APBB1IP: variants seen among roughly 807,000 people sequenced by gnomAD.
The protein encoded by APBB1IP is amyloid beta A4 precursor protein-binding family B member 1-interacting protein.
In APBB1IP, 27 loss-of-function variants were observed where a neutral mutation model predicts 64.9. That is an observed-to-expected ratio of 0.42 (90% confidence interval 0.31 to 0.57). The LOEUF (loss-of-function observed/expected upper bound fraction) is 0.57. APBB1IP is among the 20% of genes least tolerant of loss of function. The probability of loss-of-function intolerance (pLI) is 0.20; values close to 1 mark genes in which losing one functional copy is unlikely to be tolerated. For missense variants in APBB1IP, 812 were observed against 845.5 expected (o/e 0.96, Z 0.49); for synonymous variants, 392 against 331.0 (o/e 1.18, Z -2.00).
Position 26,511,757 on chromosome 10 carries a change from A to G in APBB1IP, c.542A>G (p.Lys181Arg). The G allele has an allele frequency of 6.2e-7, 1 of 1,614,186 alleles. No homozygotes were observed. The highest frequency in any genetic ancestry group is 8.5e-7 in the Non-Finnish European group (1 of 1,180,004). ...KEAKVKKLVV[K>R]VHMNDNSTKS... ...TGGTTCTATCCTCAGCTCGTCGTCA[A>G]GGTGCACATGAATGATAACAGCACA... Residue 181 changes from lysine (K) to arginine (R), a missense_variant, in exon 7 of 15, where the codon AAG (lysine) becomes AGG (arginine). By Grantham distance (26) the Lys-to-Arg change is conservative (BLOSUM62 2). Coordinates refer to ENST00000376236, the MANE Select transcript of APBB1IP (RefSeq NM_019043.4).
chr10:26,539,656 G>A (rs959162445), intron 10 of APBB1IP, among the ~76,000 whole-genome samples: 1 of 152,070 alleles, frequency 6.6e-6, no homozygotes, highest in Non-Finnish European at 1.5e-5. Context: ...TATGGCCAAA[G>A]ATAACAAACA....
chr10:26,477,680 G>A (rs1835791032), intron 2 of APBB1IP, among the ~76,000 whole-genome samples: 1 of 152,180 alleles, frequency 6.6e-6, no homozygotes, highest in Non-Finnish European at 1.5e-5. Flanking sequence ...AAAACACAAA[G>A]GCGAATAACA....
intron 2 of APBB1IP, among the ~76,000 whole-genome samples, 198 bp downstream of exon 2, chr10:26,439,051 G>T (rs960846074): frequency 6.6e-6 from 1 of 152,324 alleles, no homozygotes; most frequent in African/African-American, 2.4e-5. Flanking sequence ...CTCCACTCTG[G>T]ACCCGGCTCG....
chr10:26,545,536 G>A (rs1262879784), intron 11 of APBB1IP, among the ~76,000 whole-genome samples: 5 of 152,142 alleles, frequency 3.3e-5, no homozygotes, highest in Non-Finnish European at 5.9e-5. Context: ...CGAGGCGGGC[G>A]GATCACGAGG....
chr10:26,507,298 C>G (rs1836194164), intron 6 of APBB1IP, among the ~76,000 whole-genome samples: 1 of 152,118 alleles, frequency 6.6e-6, no homozygotes, highest in Non-Finnish European at 1.5e-5. Context: ...TTAAGACCAG[C>G]CTGGGCAACA....
At chr10:26,509,668 T>C (rs1836227908) in intron 6 of APBB1IP, 1 of 152,228 alleles carries the variant, frequency 6.6e-6, no homozygotes, top group African/African-American at 2.4e-5. Context: ...GGTTAGTACT[T>C]GGATGGGAGG....
At chr10:26,541,048 C>T (rs1836690395) in intron 10 of APBB1IP, among the ~76,000 whole-genome samples, 1 of 151,860 alleles carries the variant, frequency 6.6e-6, no homozygotes, top group Admixed American at 6.6e-5. Context: ...TCAATAATGA[C>T]ATCTCAAGGA....
intron 2 of APBB1IP, among the ~76,000 whole-genome samples, chr10:26,491,344 A>T (rs1835952580): frequency 6.6e-6 from 1 of 152,194 alleles, no homozygotes; most frequent in Non-Finnish European, 1.5e-5. Context: ...GTCTGCAGCA[A>T]ATTCCTCATG....
At chr10:26,451,052 A>G (rs11015116) in intron 2 of APBB1IP, among the ~76,000 whole-genome samples, 60,689 of 151,934 alleles carry the variant, frequency 0.4, 12,266 homozygotes, top group South Asian at 0.5. Context: ...AGTGTTAACT[A>G]TTATAGATTG....
chr10:26,481,988 T>C (rs1173289434), intron 2 of APBB1IP, among the ~76,000 whole-genome samples: 1 of 152,124 alleles, frequency 6.6e-6, no homozygotes, highest in African/African-American at 2.4e-5. Flanking sequence ...ACAGGTAACT[T>C]TTGCCATGAC....
chr10:26,539,367 G>A (rs924830214), intron 10 of APBB1IP, among the ~76,000 whole-genome samples: 1 of 144,080 alleles, frequency 6.9e-6, no homozygotes, highest in Admixed American at 7.3e-5. Flanking sequence ...AGCCATGTTC[G>A]TGCCACTGCA....
intron 8 of APBB1IP, among the ~76,000 whole-genome samples, chr10:26,525,056 G>A (rs1192585593): frequency 6.8e-6 from 1 of 147,834 alleles, no homozygotes; most frequent in Admixed American, 7.0e-5. Flanking sequence ...TAGGAGGTAG[G>A]AGGATCACTT....
rs1447520700 is a variant in APBB1IP, at chr10:26,445,129, AAAGAAAGAAAGAAAGAAAGAAAGAAAG to A, written c.-1+6279_-1+6305del. Among the ~76,000 whole-genome samples, 135 of 68,920 alleles carry A rather than the reference AAAGAAAGAAAGAAAGAAAGAAAGAAAG, an allele frequency of 2.0e-3. 2 individuals are homozygous for A. The highest frequency in any genetic ancestry group is 5.1e-3 in the African/African-American group (109 of 21,248). 45.2% of individuals were successfully genotyped at this position (68,920 alleles called of 152,430 possible). On this transcript the variant is annotated intron_variant, in intron 2 of 14. Transcript: ENST00000376236. ...AAAGAGGAAAAGAAAGAAAGAAAGA[AAAGAAAGAAAGAAAGAAAGAAAGAAAG>A]AAAGAAAGAAAGAAAGAAAGAAAGA...
chr10:26,504,733 A>C (rs1250196906), intron 6 of APBB1IP, among the ~76,000 whole-genome samples: 1 of 151,850 alleles, frequency 6.6e-6, no homozygotes, highest in Non-Finnish European at 1.5e-5. Flanking sequence ...AAAAAAAAAA[A>C]GTTAATTTGG....
At chr10:26,533,928 A>G (rs1836586267) in intron 9 of APBB1IP, among the ~76,000 whole-genome samples, 1 of 151,998 alleles carries the variant, frequency 6.6e-6, no homozygotes. Flanking sequence ...CCGTTACAGG[A>G]GGCGGCTCTG....
intron 2 of APBB1IP, among the ~76,000 whole-genome samples, chr10:26,445,780 A>G (rs1445912022): frequency 6.6e-6 from 1 of 152,232 alleles, no homozygotes; most frequent in Non-Finnish European, 1.5e-5. Flanking sequence ...TTCAAGTGTT[A>G]GAGCAGGGCT....
At chr10:26,505,722 G>C (rs1240209697) in intron 6 of APBB1IP, among the ~76,000 whole-genome samples, 1 of 152,024 alleles carries the variant, frequency 6.6e-6, no homozygotes, top group Non-Finnish European at 1.5e-5. Flanking sequence ...CTCCCACCAA[G>C]ACATCTACCT....
At chr10:26,535,424 A>C (rs1266565900) in intron 9 of APBB1IP, among the ~76,000 whole-genome samples, 1 of 152,158 alleles carries the variant, frequency 6.6e-6, no homozygotes, top group Non-Finnish European at 1.5e-5. Flanking sequence ...TTGGGTATCC[A>C]TCCTCTCAAG....
chr10:26,469,658 T>C (rs1835693198), intron 2 of APBB1IP, among the ~76,000 whole-genome samples: 1 of 152,190 alleles, frequency 6.6e-6, no homozygotes, highest in South Asian at 2.1e-4. Flanking sequence ...ACTGGGTATA[T>C]TGTGTGATGC....
Sources: gnomAD v4.1 joint callset for allele counts (sites outside exome capture counted in the v4.1 genomes callset) on GRCh38, gnomAD v4.1.1 for gene constraint, MANE v1.5 for transcripts, NCBI Gene and HGNC (gene_info 2026-07-23, HGNC 2026-07-21) for gene names.